Variants in ST8SIA5 observed in about 807,000 individuals in gnomAD.
The protein encoded by ST8SIA5 is alpha-2,8-sialyltransferase 8E.
Under a neutral mutation model 40.2 loss-of-function variants are expected in ST8SIA5, and 24 were observed. The observed-to-expected ratio is 0.60, with a 90% confidence interval of 0.43 to 0.84. ST8SIA5 has a LOEUF of 0.84. Ranked by LOEUF, ST8SIA5 falls within the 40% of genes least tolerant of loss-of-function variation. The pLI, the probability that ST8SIA5 is intolerant of heterozygous loss-of-function variation, is 0.00. For missense variants in ST8SIA5, 465 were observed against 498.5 expected (o/e 0.93, Z 0.64); for synonymous variants, 198 against 201.8 (o/e 0.98, Z 0.16).
chr18:46,742,593 T>C (rs1208876439), intron 1 of ST8SIA5, among the ~76,000 whole-genome samples: 1 of 152,084 alleles, frequency 6.6e-6, no homozygotes, highest in East Asian at 1.9e-4. Flanking sequence ...AAAAGTAAAA[T>C]AATCCACTTT....
At chr18:46,694,164 A>G (rs563509601) in intron 2 of ST8SIA5, among the ~76,000 whole-genome samples, 1 of 152,344 alleles carries the variant, frequency 6.6e-6, no homozygotes, top group Non-Finnish European at 1.5e-5. Context: ...CACAAGACAC[A>G]TTATACAATT....
At chr18:46,734,926 G>C (rs542043896) in intron 1 of ST8SIA5, among the ~76,000 whole-genome samples, 1 of 152,324 alleles carries the variant, frequency 6.6e-6, no homozygotes, top group East Asian at 1.9e-4. Context: ...CTGTTCCTGA[G>C]TGTGTCTGTG....
chr18:46,736,436 TGTGGGGATATTG>T (rs2040035421), intron 1 of ST8SIA5, among the ~76,000 whole-genome samples: 1 of 152,094 alleles, frequency 6.6e-6, no homozygotes. Context: ...GGCACATAGA[TGTGGGGATATTG>T]GCTCTGCAGG....
chr18:46,727,975 T>A (rs1235684445), intron 1 of ST8SIA5, among the ~76,000 whole-genome samples: 1 of 151,976 alleles, frequency 6.6e-6, no homozygotes, highest in Non-Finnish European at 1.5e-5. Context: ...GGCAGGAGGA[T>A]CACAAGGTCA....
At chr18:46,731,873 C>A (rs571398438) in intron 1 of ST8SIA5, 1 of 152,122 alleles carries the variant, frequency 6.6e-6, no homozygotes, top group Non-Finnish European at 1.5e-5. Context: ...AAAGTACAAC[C>A]GCACATTAAT....
chr18:46,690,992 G>GT (rs2039499569), intron 3 of ST8SIA5, among the ~76,000 whole-genome samples: 1 of 152,222 alleles, frequency 6.6e-6, no homozygotes, highest in Non-Finnish European at 1.5e-5. Context: ...CAGGCTGAGT[G>GT]TTTTATCAGC....
chr18:46,732,328 G>A (rs981744953), intron 1 of ST8SIA5, among the ~76,000 whole-genome samples: 1 of 152,236 alleles, frequency 6.6e-6, no homozygotes, highest in African/African-American at 2.4e-5. Flanking sequence ...AGATAGGCCT[G>A]GAACCCAGGA....
chr18:46,755,151 G>T (rs1023511213), intron 1 of ST8SIA5, among the ~76,000 whole-genome samples: 1 of 152,186 alleles, frequency 6.6e-6, no homozygotes, highest in Non-Finnish European at 1.5e-5. Flanking sequence ...AGCTCCGGGG[G>T]AGTTACAAGG....
chr18:46,715,553 ATTT>A (rs36007614), intron 1 of ST8SIA5, among the ~76,000 whole-genome samples: 2 of 146,358 alleles, frequency 1.4e-5, no homozygotes, highest in Admixed American at 6.8e-5. Context: ...GAAGTGATCT[ATTT>A]TTTTTTTTTT....
chr18:46,754,812 G>A (rs1436246395), intron 1 of ST8SIA5, among the ~76,000 whole-genome samples: 2 of 152,238 alleles, frequency 1.3e-5, no homozygotes, highest in African/African-American at 4.8e-5. Flanking sequence ...CAACTTTGGG[G>A]AGGTGCCGGG....
intron 2 of ST8SIA5, among the ~76,000 whole-genome samples, chr18:46,698,713 G>T (rs777982449): frequency 8.7e-4 from 133 of 152,306 alleles, no homozygotes; most frequent in Non-Finnish European, 1.5e-3. Context: ...GAAGCTATAG[G>T]TTCTAAGCAA....
rs769032141 is a variant in ST8SIA5 at position 46,686,194 on chromosome 18, G to C, written c.549C>G (p.Asn183Lys). The C allele has an allele frequency of 6.2e-7, 1 of 1,614,218 alleles. No homozygotes were observed. Among genetic ancestry groups the C allele is most frequent in the East Asian group, 2.2e-5 (1 of 44,880 alleles). ...TTTACCGGAAGACGAAGTCGGCGCT[G>C]TTGATCTCCCTCCCGCAGCGGCTGT... Reference protein sequence around the residue: ...LKNSRCGREINSADFVFRCNL... With the variant: ...LKNSRCGREIKSADFVFRCNL... The change falls in exon 5 of 7, where the codon AAC becomes AAG. Residue 183 changes from asparagine (N) to lysine (K), a missense_variant. Asn to Lys is a moderately conservative substitution (Grantham distance 94). Coordinates refer to ENST00000315087, the MANE Select transcript of ST8SIA5 (RefSeq NM_013305.6).
In ST8SIA5 at chr18:46,692,191, T is replaced by C. The variant is rs754423785; in HGVS notation, c.289A>G (p.Ile97Val). ...TACTTGAACTGGTTGGCCTCAGAGA[T>C]GTTCATCGCCCATTTGCACATCTGG... ...SLQMCKWAMN[I>V]SEANQFKSTL... The change falls in exon 3 of 7, where the codon ATC becomes GTC. Residue 97 changes from isoleucine (I) to valine (V), a missense_variant. Ile to Val is a conservative substitution (Grantham distance 29). Transcript: ENST00000315087. 23 of 1,614,098 alleles carry C rather than the reference T, an allele frequency of 1.4e-5. No individual in the cohort carries two copies. The highest frequency in any genetic ancestry group is 1.9e-5 in the Non-Finnish European group (22 of 1,180,022).
chr18:46,727,688 T>C (rs1335785618), intron 1 of ST8SIA5, among the ~76,000 whole-genome samples: 1 of 152,118 alleles, frequency 6.6e-6, no homozygotes, highest in Non-Finnish European at 1.5e-5. Flanking sequence ...AAACTGAACC[T>C]AGGGAGATTA....
At chr18:46,686,449 G>T (rs541510403) in intron 4 of ST8SIA5, among the ~76,000 whole-genome samples, 163 bp from the exon 5 acceptor site, 1 of 152,346 alleles carries the variant, frequency 6.6e-6, no homozygotes, top group East Asian at 1.9e-4. Context: ...CAGATGGGAA[G>T]AGTGGTTGAG....
intron 1 of ST8SIA5, among the ~76,000 whole-genome samples, chr18:46,732,525 G>A (rs1168889751): frequency 6.6e-6 from 1 of 152,120 alleles, no homozygotes; most frequent in African/African-American, 2.4e-5. Flanking sequence ...CCAGGTGAGC[G>A]CATTCCAGGG....
At chr18:46,737,439 C>T (rs1190301097) in intron 1 of ST8SIA5, among the ~76,000 whole-genome samples, 2 of 152,228 alleles carry the variant, frequency 1.3e-5, no homozygotes, top group African/African-American at 2.4e-5. Context: ...CATCCCCTCT[C>T]CCCCAGCGCA....
At chr18:46,739,533 C>A (rs781674978) in intron 1 of ST8SIA5, among the ~76,000 whole-genome samples, 1 of 152,048 alleles carries the variant, frequency 6.6e-6, no homozygotes, top group South Asian at 2.1e-4. Context: ...GACTCCACCT[C>A]GAAAAAAATA....
At chr18:46,730,341 C>T (rs2039974071) in intron 1 of ST8SIA5, 1 of 772,100 alleles carries the variant, frequency 1.3e-6, no homozygotes, top group Non-Finnish European at 1.6e-6. Flanking sequence ...GAATAATCCT[C>T]AACCTAAGGA....
Sources: gnomAD v4.1 joint callset for allele counts (sites outside exome capture counted in the v4.1 genomes callset) on GRCh38, gnomAD v4.1.1 for gene constraint, MANE v1.5 for transcripts, NCBI Gene and HGNC (gene_info 2026-07-23, HGNC 2026-07-21) for gene names.